CDK19: variants seen among roughly 807,000 people sequenced by gnomAD.
The protein encoded by CDK19 is cyclin-dependent kinase 19.
In CDK19, 20 loss-of-function variants were observed where a neutral mutation model predicts 68.3. The observed-to-expected ratio is 0.29, with a 90% CI of 0.21 to 0.43. CDK19 has a LOEUF of 0.43. CDK19 is among the 20% of genes least tolerant of loss of function. The probability of loss-of-function intolerance (pLI) is 1.00; values close to 1 mark genes in which losing one functional copy is unlikely to be tolerated. For synonymous variants in CDK19, 221 were observed against 222.8 expected (o/e 0.99, Z 0.07); for missense variants, 339 against 623.5 (o/e 0.54, Z 4.86).
intron 2 of CDK19, among the ~76,000 whole-genome samples, chr6:110,696,595 C>T (rs1263326714): frequency 6.6e-6 from 1 of 152,072 alleles, no homozygotes; most frequent in African/African-American, 2.4e-5. Context: ...CCTAGAAAAC[C>T]CTAAAGATGC....
At chr6:110,728,640 C>G (rs1008554672) in intron 2 of CDK19, among the ~76,000 whole-genome samples, 12 of 152,104 alleles carry the variant, frequency 7.9e-5, no homozygotes, top group African/African-American at 2.7e-4. Flanking sequence ...ACACAGCCCA[C>G]ACAGCTGCAT....
intron 2 of CDK19, among the ~76,000 whole-genome samples, chr6:110,734,526 TC>T (rs1214253283): frequency 7.2e-6 from 1 of 138,868 alleles, no homozygotes; most frequent in Non-Finnish European, 1.5e-5. Context: ...CACTGCTCTC[TC>T]TCTCTCTCTC....
chr6:110,752,993 G>A (rs576728964), intron 1 of CDK19, among the ~76,000 whole-genome samples: 7 of 152,088 alleles, frequency 4.6e-5, no homozygotes, highest in Admixed American at 6.6e-5. Flanking sequence ...GCAGTGGTAC[G>A]ACCTCAACTC....
chr6:110,651,232 A>ACTATCTATCTATCTAT (rs61558536), intron 4 of CDK19, among the ~76,000 whole-genome samples: 3,944 of 149,894 alleles, frequency 0.026, 71 homozygotes, highest in African/African-American at 0.045. Context: ...AAATAGATCT[A>ACTATCTATCTATCTAT]CTATCTATCT....
In CDK19 at chr6:110,815,265, C is replaced by T; in HGVS notation, c.-129G>A. 9.2e-7 allele frequency: 1 copy of T among 1,090,830 alleles called. No homozygotes were observed. Among genetic ancestry groups the T allele is most frequent in the Non-Finnish European group, 1.2e-6 (1 of 837,116 alleles). The allele number at this position is 1,090,830 out of a possible 1,614,324, so 67.6% of individuals were successfully genotyped here. ...CTCGCGCGCGCGCGCGCGCCGCCCG[C>T]CGCCCGCCGCTCCGCGGTCCGCCTT... On this transcript the variant is annotated 5_prime_UTR_variant, in exon 1 of 13. Transcript: ENST00000368911.
intron 1 of CDK19, among the ~76,000 whole-genome samples, chr6:110,798,646 AAAAG>A (rs1237274281): frequency 1.3e-5 from 2 of 148,986 alleles, no homozygotes; most frequent in African/African-American, 5.1e-5. Flanking sequence ...AAAAAAAAAA[AAAAG>A]AAAGAAAGAA....
intron 2 of CDK19, chr6:110,670,794 A>G: frequency 1.7e-6 from 1 of 574,714 alleles, no homozygotes; most frequent in Non-Finnish European, 3.3e-6. Flanking sequence ...CTTTCTTGTC[A>G]GAGACTGCAA....
rs544382964 is a variant in CDK19, at chr6:110,636,132, G to C, written c.514+2517C>G. ...TAAGGAGTACTAAGAGAACAAATTA[G>C]ATTGGGGTGACTGGGAGAAATGTGA... On this transcript the variant is annotated intron_variant, in intron 5 of 12. Coordinates refer to ENST00000368911, the MANE Select transcript of CDK19 (RefSeq NM_015076.5). Among the ~76,000 whole-genome samples, 5 of 152,312 alleles carry C rather than the reference G, an allele frequency of 3.3e-5. No individual in the cohort carries two copies. The East Asian group carries it at 9.6e-4, about 29-fold the overall frequency.
chr6:110,661,744 C>T (rs1460424134), intron 4 of CDK19, among the ~76,000 whole-genome samples: 1 of 152,162 alleles, frequency 6.6e-6, no homozygotes, highest in Non-Finnish European at 1.5e-5. Flanking sequence ...GTAACAGCTA[C>T]TAGACATTTT....
At chr6:110,690,153 G>A (rs1026104918) in intron 2 of CDK19, among the ~76,000 whole-genome samples, 1 of 152,128 alleles carries the variant, frequency 6.6e-6, no homozygotes, top group Non-Finnish European at 1.5e-5. Flanking sequence ...TCCCCCACAG[G>A]AGCTCAGTAT....
intron 12 of CDK19, among the ~76,000 whole-genome samples, chr6:110,615,625 T>C (rs1778263966): frequency 6.6e-6 from 1 of 152,248 alleles, no homozygotes; most frequent in Admixed American, 6.5e-5. Context: ...TTCTTGGTCA[T>C]TGCTGGGCAT....
chr6:110,812,338 G>A (rs946796413), intron 1 of CDK19, among the ~76,000 whole-genome samples: 2 of 152,032 alleles, frequency 1.3e-5, no homozygotes, highest in African/African-American at 2.4e-5. Context: ...TCACCAGGAT[G>A]GTCTCGATCT....
intron 1 of CDK19, among the ~76,000 whole-genome samples, chr6:110,786,608 G>A (rs931171061): frequency 6.6e-5 from 10 of 151,690 alleles, no homozygotes; most frequent in Admixed American, 1.3e-4. Flanking sequence ...CGCGTGTAAT[G>A]AGCCTTAAAG....
chr6:110,705,477 T>C (rs1334567410), intron 2 of CDK19, among the ~76,000 whole-genome samples: 7 of 151,996 alleles, frequency 4.6e-5, no homozygotes, highest in Admixed American at 4.6e-4. Context: ...GTCATAAACA[T>C]AGAGAAGAGA....
chr6:110,685,691 C>T (rs1320027266), intron 2 of CDK19, among the ~76,000 whole-genome samples: 3 of 152,274 alleles, frequency 2.0e-5, no homozygotes, highest in South Asian at 2.1e-4. Context: ...TCTCCTACTT[C>T]GAAATTTTAG....
At chr6:110,746,995 CCACA>C (rs1202348377) in intron 1 of CDK19, among the ~76,000 whole-genome samples, 1 of 152,118 alleles carries the variant, frequency 6.6e-6, no homozygotes, top group Non-Finnish European at 1.5e-5. Flanking sequence ...CCAGAACCAG[CCACA>C]CAAAGGTCTC....
At chr6:110,758,026 T>TA (rs1778949066) in intron 1 of CDK19, among the ~76,000 whole-genome samples, 3 of 151,838 alleles carry the variant, frequency 2.0e-5, no homozygotes, top group Non-Finnish European at 1.5e-5. Flanking sequence ...ACCCCATCTC[T>TA]AAAAAAAATT....
intron 2 of CDK19, among the ~76,000 whole-genome samples, chr6:110,710,524 G>C (rs138256653): frequency 6.6e-6 from 1 of 152,114 alleles, no homozygotes; most frequent in African/African-American, 2.4e-5. Context: ...ACCATAGAAC[G>C]GTTAGCTTAT....
intron 2 of CDK19, among the ~76,000 whole-genome samples, chr6:110,716,410 T>C (rs1023302040): frequency 1.3e-5 from 2 of 151,944 alleles, no homozygotes; most frequent in African/African-American, 2.4e-5. Context: ...CAAACTTTAA[T>C]TGAAAAATTG....
Sources: gnomAD v4.1 joint callset for allele counts (sites outside exome capture counted in the v4.1 genomes callset) on GRCh38, gnomAD v4.1.1 for gene constraint, MANE v1.5 for transcripts, NCBI Gene and HGNC (gene_info 2026-07-23, HGNC 2026-07-21) for gene names.